Variants in RBM14 observed in about 807,000 individuals in gnomAD.
RBM14 encodes RNA binding motif protein 14, also known as RNA-binding protein 14.
RBM14 carries 5 observed loss-of-function variants against 52.8 expected under a neutral mutation model. The observed-to-expected ratio is 0.09, with a 90% CI of 0.05 to 0.20. The LOEUF (loss-of-function observed/expected upper bound fraction) is 0.20, where lower values mean the gene tolerates loss of function less well. Among genes scored for constraint, RBM14 ranks in the 10% least tolerant of loss-of-function variants. The probability of loss-of-function intolerance (pLI) is 1.00; values close to 1 mark genes in which losing one functional copy is unlikely to be tolerated. For synonymous variants in RBM14, 411 were observed against 401.8 expected, an observed-to-expected ratio of 1.02 and a Z score of -0.28; for missense variants, 780 against 926.6, an observed-to-expected ratio of 0.84 and a Z score of 2.05.
intron 1 of RBM14, among the ~76,000 whole-genome samples, chr11:66,620,487 A>G (rs909405435): frequency 5.3e-5 from 8 of 152,006 alleles, no homozygotes; most frequent in African/African-American, 1.9e-4. Context: ...TTTTTAGTAG[A>G]GACAGGGTTT....
At chr11:66,626,382 C>T (rs748859122) in intron 2 of RBM14, 79 bp from the exon 3 acceptor site, 15 of 1,349,138 alleles carry the variant, frequency 1.1e-5, no homozygotes, top group Non-Finnish European at 1.6e-5. Context: ...TCCCTGTCCC[C>T]ATTGGCATCT....
At position 66,624,363 on chromosome 11, in the gene RBM14, G is replaced by T; in HGVS notation, c.487G>T (p.Asp163Tyr). The T allele has an allele frequency of 6.2e-7, 1 of 1,614,136 alleles. No homozygotes were observed. Among genetic ancestry groups the T allele is most frequent in the Non-Finnish European group, 8.5e-7 (1 of 1,179,966 alleles). The change falls in exon 2 of 3, where the codon GAC becomes TAC. Residue 163 changes from aspartate to tyrosine, a missense_variant. Coordinates refer to ENST00000310137, the MANE Select transcript of RBM14 (RefSeq NM_006328.4). This position sits in a 1 kb window ranked among gnomAD's most constrained non-coding sequence, Gnocchi z 4.7. ...KGPGLAVQSG[D>Y]KTKKPGAGDT... is the part of the protein sequence containing the mutation. ...GCCTGGCCTGGCTGTCCAGTCTGGG[G>T]ACAAGACCAAGAAACCAGGGGCTGG...
Position 66,616,663 on chromosome 11 carries a change from C to T in RBM14, c.-58C>T, listed in dbSNP as rs1858848199. 22 of 1,517,654 alleles carry T rather than the reference C, an allele frequency of 1.4e-5. No homozygotes were observed. Among genetic ancestry groups the T allele is most frequent in the South Asian group, 2.6e-5 (2 of 78,208 alleles). The allele number at this position is 1,517,654 out of a possible 1,614,324, so 94.0% of individuals were successfully genotyped here. On this transcript the variant is annotated 5_prime_UTR_variant, in exon 1 of 3. Transcript: ENST00000310137. Reference sequence around the variant, plus strand: ...GGAGGACTGCCGGTCGTTCGGACGTCTTGCCTGTCGCTGGAGGAGAGGTCC... The same window carrying T: ...GGAGGACTGCCGGTCGTTCGGACGTTTTGCCTGTCGCTGGAGGAGAGGTCC...
rs1937889916 is a variant in RBM14, at chr11:66,627,945, G to A, written c.*1277G>A. 6.6e-6 allele frequency among the ~76,000 whole-genome samples: 1 copy of A among 152,146 alleles called. No individual in the cohort carries two copies. The highest frequency in any genetic ancestry group is 2.4e-5 in the African/African-American group (1 of 41,430). Reference sequence around the variant, plus strand: ...TATTTTGCCTGTTGAGCTGTACCATGGAGCATCCTCCTGTGTCCTGCCAAC... The same window carrying A: ...TATTTTGCCTGTTGAGCTGTACCATAGAGCATCCTCCTGTGTCCTGCCAAC... On this transcript the variant is annotated 3_prime_UTR_variant, in exon 3 of 3. Transcript: ENST00000310137.
Position 66,626,608 on chromosome 11 carries a change from C to T in RBM14, c.1950C>T (p.Gly650=). 6.2e-7 allele frequency: 1 copy of T among 1,613,618 alleles called. No individual in the cohort carries two copies. The highest frequency in any genetic ancestry group is 8.5e-7 in the Non-Finnish European group (1 of 1,179,996). ...DAHSDYARYS[G]SYNDYLRAAQ... is the part of the protein sequence containing the mutation. The stretch of plus-strand genomic sequence containing the variant: ...ATTCCGATTACGCACGCTATTCGGG[C>T]TCCTATAATGATTACCTGCGGGCGG... Residue 650 remains glycine (G), a synonymous_variant, in exon 3 of 3, where the codon GGC becomes GGT. Transcript: ENST00000310137.
rs979183148 is a variant in RBM14 at position 66,624,065 on chromosome 11, C to A, written c.338-149C>A. 2.7e-5 allele frequency: 36 copies of A among 1,339,616 alleles called. No individual in the cohort carries two copies. The highest frequency in any genetic ancestry group is 3.4e-5 in the Non-Finnish European group (32 of 954,044). The allele number at this position is 1,339,616 out of a possible 1,614,324, so 83.0% of individuals were successfully genotyped here. On this transcript the variant is annotated intron_variant, in intron 1 of 2. Transcript: ENST00000310137. The surrounding 1 kb of genome is among the most constrained non-coding windows in gnomAD (Gnocchi z 4.7). ...CAGAAGCTTTGTTATATGGGAGCTA[C>A]ATTTTATGACATACTCCTGGAGAGG... is the stretch of plus-strand genomic sequence containing the variant.
rs767989833 is a variant in RBM14 at position 66,617,079 on chromosome 11, G to T, written c.337+22G>T. 1.1e-5 allele frequency: 17 copies of T among 1,554,080 alleles called. No homozygotes were observed. The Admixed American group carries it at 1.2e-4, about 11-fold the overall frequency. ...AAAGGTAACGCGGAGGCGCGCTCGG[G>T]GGCGGGGGCGCGCTCGGGGCACTCT... On this transcript the variant is annotated intron_variant, in intron 1 of 2. Coordinates refer to ENST00000310137, the MANE Select transcript of RBM14 (RefSeq NM_006328.4).
In RBM14 at chr11:66,626,784, C is replaced by A. The variant is rs916825620; in HGVS notation, c.*116C>A. The A allele has an allele frequency of 1.9e-6, 2 of 1,057,160 alleles. No individual in the cohort carries two copies. The highest frequency in any genetic ancestry group is 1.6e-5 in the African/African-American group (1 of 62,328). 65.5% of individuals were successfully genotyped at this position (1,057,160 alleles called of 1,614,324 possible). A position where few individuals can be genotyped will look rare whatever the true frequency, so the allele number is the denominator to read the frequency against. On this transcript the variant is annotated 3_prime_UTR_variant, in exon 3 of 3. Transcript: ENST00000310137. ...CTTTCCTGGTTGTGGTTTTTCATGCCCTCTACCATGTGGGCCTTCCCCAGG... is the reference window on the plus strand; with the variant it reads ...CTTTCCTGGTTGTGGTTTTTCATGCACTCTACCATGTGGGCCTTCCCCAGG...
chr11:66,620,861 C>G (rs1344509941), intron 1 of RBM14: 1 of 152,000 alleles, frequency 6.6e-6, no homozygotes, highest in Non-Finnish European at 1.5e-5. Context: ...CTGGAGGCCC[C>G]TCCCTGCAAC....
In RBM14 at chr11:66,617,126, C is replaced by T. The variant is rs1312218315; in HGVS notation, c.337+69C>T. 5 of 1,516,030 alleles carry T rather than the reference C, an allele frequency of 3.3e-6. No homozygotes were observed. The East Asian group carries it at 6.8e-5, about 21-fold the overall frequency. 93.9% of individuals were successfully genotyped at this position (1,516,030 alleles called of 1,614,324 possible). Reference sequence around the variant, plus strand: ...CTCTGCCTGTTAGCCACGCCCCTTACCCGGGGGTCGGTCACTGCGCGGTTG... The same window carrying T: ...CTCTGCCTGTTAGCCACGCCCCTTATCCGGGGGTCGGTCACTGCGCGGTTG... On this transcript the variant is annotated intron_variant, in intron 1 of 2. Transcript: ENST00000310137.
rs762721467 is a variant in RBM14, at chr11:66,624,892, C to T, written c.1016C>T (p.Ala339Val). The T allele has an allele frequency of 5.6e-6, 9 of 1,613,964 alleles. No individual in the cohort carries two copies. The highest frequency in any genetic ancestry group is 7.6e-6 in the Non-Finnish European group (9 of 1,179,976). The change falls in exon 2 of 3, where the codon GCC becomes GTC. Residue 339 changes from alanine (A) to valine (V), a missense_variant. Physicochemically the swap from Ala to Val is moderately conservative, Grantham distance 64. Transcript: ENST00000310137. The surrounding 1 kb of genome is among the most constrained non-coding windows in gnomAD (Gnocchi z 4.7). The part of the protein sequence containing the change: ...NSYGAQGSSL[A>V]SYGNQPSSYG... ...TATGGGGCTCAGGGTTCCTCCCTTG[C>T]CTCCTATGGTAACCAGCCATCCTCT... is the stretch of plus-strand genomic sequence containing the variant.
chr11:66,622,645 T>C (rs1859169465), intron 1 of RBM14, among the ~76,000 whole-genome samples: 2 of 152,240 alleles, frequency 1.3e-5, no homozygotes, highest in Non-Finnish European at 2.9e-5. Flanking sequence ...CTTCTACTTA[T>C]TGATTGCATT....
chr11:66,625,731 T>C lies in RBM14; in HGVS notation c.1802+53T>C, dbSNP rs1406969659. 2 of 1,406,886 alleles carry C rather than the reference T, an allele frequency of 1.4e-6. No homozygotes were observed. The highest frequency in any genetic ancestry group is 1.9e-6 in the Non-Finnish European group (2 of 1,037,540). 87.2% of individuals were successfully genotyped at this position (1,406,886 alleles called of 1,614,324 possible). On this transcript the variant is annotated intron_variant, in intron 2 of 2. Transcript: ENST00000310137. The surrounding 1 kb of genome is among the most constrained non-coding windows in gnomAD (Gnocchi z 4.2). Reference sequence around the variant, plus strand: ...CCAGCTGGGGCTTAGGGCAAGGGGCTGAGGTTGGCATGGGAGGGAAACTGG... The same window carrying C: ...CCAGCTGGGGCTTAGGGCAAGGGGCCGAGGTTGGCATGGGAGGGAAACTGG...
At position 66,625,705 on chromosome 11, in the gene RBM14, C is replaced by G; in HGVS notation, c.1802+27C>G. ...TACTGTATGCCCCCCCGCCTCTGCC[C>G]CCAGCTGGGGCTTAGGGCAAGGGGC... On this transcript the variant is annotated intron_variant, in intron 2 of 2. Coordinates refer to ENST00000310137, the MANE Select transcript of RBM14 (RefSeq NM_006328.4). The surrounding 1 kb of genome is among the most constrained non-coding windows in gnomAD (Gnocchi z 4.2). The G allele has an allele frequency of 6.5e-7, 1 of 1,536,494 alleles. No homozygotes were observed. Among genetic ancestry groups the G allele is most frequent in the Non-Finnish European group, 8.8e-7 (1 of 1,132,720 alleles).
Position 66,629,074 on chromosome 11 carries a change from T to G in RBM14, c.*2406T>G, listed in dbSNP as rs75258454. Among the ~76,000 whole-genome samples, 629 of 152,330 alleles carry G rather than the reference T, an allele frequency of 4.1e-3. 5 individuals carry two copies. The highest frequency in any genetic ancestry group is 5.4e-3 in the Admixed American group (83 of 15,294). ...CATTTGTCATTTTTCTCTGGCAGAT[T>G]GTTTTAAAATCTCCCTCCCCTCTTT... is the stretch of plus-strand genomic sequence containing the variant. On this transcript the variant is annotated 3_prime_UTR_variant, in exon 3 of 3. Coordinates refer to ENST00000310137, the MANE Select transcript of RBM14 (RefSeq NM_006328.4).
In RBM14 at chr11:66,616,712, G is replaced by A; in HGVS notation, c.-9G>A. On this transcript the variant is annotated 5_prime_UTR_variant, in exon 1 of 3. Transcript: ENST00000310137. ...CCGGGCTCTCCAGGAAGGTGGCTGCGGCGACAAAATGAAGATATTCGTGGG... is the reference window on the plus strand; with the variant it reads ...CCGGGCTCTCCAGGAAGGTGGCTGCAGCGACAAAATGAAGATATTCGTGGG... 1 of 1,585,942 alleles carries A rather than the reference G, an allele frequency of 6.3e-7. No individual in the cohort carries two copies. Among genetic ancestry groups the A allele is most frequent in the Non-Finnish European group, 8.6e-7 (1 of 1,160,478 alleles).
intron 1 of RBM14, among the ~76,000 whole-genome samples, chr11:66,620,396 C>A (rs1252256462): frequency 6.6e-6 from 1 of 152,054 alleles, no homozygotes; most frequent in African/African-American, 2.4e-5. Flanking sequence ...CAACCTCCGT[C>A]TCCTGGGTTC....
chr11:66,623,316 C>CT (rs1175726466), intron 1 of RBM14, among the ~76,000 whole-genome samples: 1 of 152,180 alleles, frequency 6.6e-6, no homozygotes, highest in Non-Finnish European at 1.5e-5. Flanking sequence ...AGCCAGTGGG[C>CT]TTAGTTTCTA....
intron 1 of RBM14, among the ~76,000 whole-genome samples, chr11:66,620,445 C>T (rs1223015048): frequency 6.6e-6 from 1 of 151,876 alleles, no homozygotes; most frequent in Non-Finnish European, 1.5e-5. Context: ...GTAGCTGGGT[C>T]TACAGGCCAC....
Sources: allele counts gnomAD v4.1 joint callset (sites outside exome capture counted in the v4.1 genomes callset), GRCh38; gene constraint gnomAD v4.1.1; non-coding constraint Gnocchi (gnomAD v3.1); transcripts MANE v1.5; gene names NCBI Gene and HGNC (gene_info 2026-07-23, HGNC 2026-07-21).